The following CHN2 variants were observed in gnomAD, a reference collection of about 807,000 sequenced individuals.
CHN2 encodes the protein chimerin 2.
Under a neutral mutation model 56.3 loss-of-function variants are expected in CHN2, and 35 were observed. That is an observed-to-expected ratio of 0.62 (90% CI 0.47 to 0.82). The LOEUF (loss-of-function observed/expected upper bound fraction) is 0.82, where lower values mean the gene tolerates loss of function less well. Ranked by LOEUF, CHN2 falls within the 40% of genes least tolerant of loss-of-function variation. CHN2 has a pLI of 0.00. For synonymous variants in CHN2, 210 were observed against 212.8 expected (o/e 0.99, Z 0.12); for missense variants, 491 against 580.5 (o/e 0.85, Z 1.58).
At chr7:29,314,827 C>T (rs1215217338) in intron 1 of CHN2, among the ~76,000 whole-genome samples, 2 of 151,606 alleles carry the variant, frequency 1.3e-5, no homozygotes, top group African/African-American at 2.4e-5. Context: ...ATTTTTCTAG[C>T]GTCTTATAAG....
intron 4 of CHN2, chr7:29,397,470 T>G (rs1434789264): frequency 6.6e-6 from 1 of 152,240 alleles, no homozygotes; most frequent in Non-Finnish European, 1.5e-5. Flanking sequence ...AAAGGGGTGT[T>G]ACTCCTTTCC....
At chr7:29,208,717 C>T (rs1054709383) in intron 1 of CHN2, 1 of 152,222 alleles carries the variant, frequency 6.6e-6, no homozygotes, top group African/African-American at 2.4e-5. Context: ...CACACCTCCT[C>T]ACATCCTGAC....
chr7:29,460,302 C>T (rs1196925401), intron 6 of CHN2, among the ~76,000 whole-genome samples: 1 of 152,160 alleles, frequency 6.6e-6, no homozygotes, highest in Admixed American at 6.5e-5. Flanking sequence ...AAGGGCAAAC[C>T]CATCACCCTT....
intron 3 of CHN2, among the ~76,000 whole-genome samples, chr7:29,369,192 C>A (rs1470147181): frequency 6.6e-6 from 1 of 152,024 alleles, no homozygotes; most frequent in Non-Finnish European, 1.5e-5. Context: ...CTAAAATTTC[C>A]TTCACTCCTG....
chr7:29,464,500 A>G (rs1007540574), intron 6 of CHN2, among the ~76,000 whole-genome samples: 3 of 152,232 alleles, frequency 2.0e-5, no homozygotes, highest in Non-Finnish European at 2.9e-5. Context: ...ACGTTTACCT[A>G]TGTCACAAAC....
intron 6 of CHN2, among the ~76,000 whole-genome samples, chr7:29,456,324 A>T (rs1315319303): frequency 6.6e-6 from 1 of 152,054 alleles, no homozygotes; most frequent in Non-Finnish European, 1.5e-5. Context: ...CCTCAACTAG[A>T]CCAAATGTTT....
chr7:29,381,207 T>C (rs1279247815), intron 3 of CHN2, among the ~76,000 whole-genome samples: 2 of 152,024 alleles, frequency 1.3e-5, no homozygotes, highest in Non-Finnish European at 2.9e-5. Context: ...CTGGCCCTGG[T>C]TGGGAGGTCA....
intron 6 of CHN2, among the ~76,000 whole-genome samples, chr7:29,460,072 A>G (rs1785046274): frequency 6.6e-6 from 1 of 152,218 alleles, no homozygotes; most frequent in Non-Finnish European, 1.5e-5. Context: ...TGTACATTGA[A>G]TCACCAGATT....
At chr7:29,150,571 G>A (rs1793453129) in intron 2 of CHN2, among the ~76,000 whole-genome samples, 1 of 152,174 alleles carries the variant, frequency 6.6e-6, no homozygotes, top group Admixed American at 6.5e-5. Flanking sequence ...TACACATCTT[G>A]ATCAGGTAAA....
intron 1 of CHN2, among the ~76,000 whole-genome samples, chr7:29,232,307 A>G (rs1040042096): frequency 9.9e-5 from 15 of 152,020 alleles, no homozygotes; most frequent in Non-Finnish European, 1.8e-4. Context: ...TTTCAAAGCT[A>G]TTTTAAAAAA....
rs1286648127 is a variant in CHN2 at position 29,146,929 on chromosome 7, C to T, written c.243C>T (p.Phe81=). ...ACTGTTTAAAAAGGCAACACACGTT[C>T]GCTGATGGTCTACATTCCAGCTGCA... The change falls in exon 2 of 7, where the codon TTC becomes TTT. Residue 81 remains phenylalanine (F), a synonymous_variant. Transcript: ENST00000439384. 7.7e-6 allele frequency: 12 copies of T among 1,551,152 alleles called. No homozygotes were observed. In the East Asian group the frequency reaches 2.7e-4, roughly 35 times the overall value.
rs573135164 is a variant in CHN2, at chr7:29,502,069, CTA to C, written c.913+2031_913+2032del. Among the ~76,000 whole-genome samples the C allele has an allele frequency of 1.4e-3, 212 of 152,312 alleles. 1 individual carries two copies. Among genetic ancestry groups the C allele is most frequent in the Non-Finnish European group, 2.6e-3 (174 of 68,038 alleles). On this transcript the variant is annotated intron_variant, in intron 9 of 12. Coordinates refer to ENST00000222792, the MANE Select transcript of CHN2 (RefSeq NM_004067.4). ...CAATGTCCAATCTACTGAACTCAAT[CTA>C]TGTTAATTTTGCCTTTTCTTGGAAT...
intron 1 of CHN2, among the ~76,000 whole-genome samples, chr7:29,240,447 A>G (rs544328336): frequency 1.3e-5 from 2 of 152,358 alleles, no homozygotes; most frequent in Admixed American, 6.5e-5. Context: ...AAAGATTGCA[A>G]AATCATAGCT....
rs535115315 is a variant in CHN2 at position 29,220,917 on chromosome 7, G to A, written c.49+25927G>A. The stretch of plus-strand genomic sequence containing the variant: ...AAATCAAGTTCAGGGATATGTAAAA[G>A]AATATGTCATGATCAGATGGGATTT... On this transcript the variant is annotated intron_variant, in intron 1 of 12. Transcript: ENST00000222792. 1.5e-3 allele frequency among the ~76,000 whole-genome samples: 235 copies of A among 152,242 alleles called. 1 individual carries two copies. Among genetic ancestry groups the A allele is most frequent in the African/African-American group, 5.3e-3 (220 of 41,562 alleles).
chr7:29,346,637 G>A (rs1010807576), intron 1 of CHN2, among the ~76,000 whole-genome samples: 1 of 152,168 alleles, frequency 6.6e-6, no homozygotes, highest in Non-Finnish European at 1.5e-5. Flanking sequence ...TTTAAAAATA[G>A]GTCATCTTCA....
chr7:29,475,328 A>T (rs1224003206), intron 6 of CHN2, among the ~76,000 whole-genome samples: 1 of 152,200 alleles, frequency 6.6e-6, no homozygotes, highest in Non-Finnish European at 1.5e-5. Flanking sequence ...ACCTGCTTTC[A>T]CAGTGGGCTC....
At chr7:29,400,893 C>T in intron 6 of CHN2, 65 bp downstream of exon 6, 1 of 1,514,738 alleles carries the variant, frequency 6.6e-7, no homozygotes, top group Non-Finnish European at 9.0e-7. Context: ...GGCGGGTTAA[C>T]TATAGGTGCG....
intron 1 of CHN2, among the ~76,000 whole-genome samples, chr7:29,261,114 G>A (rs1194611461): frequency 6.6e-6 from 1 of 152,066 alleles, no homozygotes; most frequent in Non-Finnish European, 1.5e-5. Flanking sequence ...GTGTCTTCAG[G>A]AATTCTCTAT....
At chr7:29,269,284 T>A (rs1378625954) in intron 1 of CHN2, among the ~76,000 whole-genome samples, 1 of 152,232 alleles carries the variant, frequency 6.6e-6, no homozygotes, top group African/African-American at 2.4e-5. Flanking sequence ...CTCTCACATA[T>A]GAGTGAGAAC....
Sources: gnomAD v4.1 joint callset for allele counts (sites outside exome capture counted in the v4.1 genomes callset) on GRCh38, gnomAD v4.1.1 for gene constraint, MANE v1.5 for transcripts, NCBI Gene and HGNC (gene_info 2026-07-23, HGNC 2026-07-21) for gene names.